Variants in CEACAM18 observed in about 807,000 individuals in gnomAD.
The protein encoded by CEACAM18 is CEA cell adhesion molecule 18.
A neutral mutation model predicts 34.3 loss-of-function variants in CEACAM18; 33 were observed. That is an observed-to-expected ratio of 0.96 (90% CI 0.73 to 1.29). The LOEUF is 1.29. CEACAM18 is among the 50% of genes most tolerant of loss of function. The pLI, the probability that CEACAM18 is intolerant of heterozygous loss-of-function variation, is 0.00. For synonymous variants in CEACAM18, 169 were observed against 180.9 expected (o/e 0.93, Z 0.53); for missense variants, 474 against 485.0 (o/e 0.98, Z 0.21).
chr19:51,481,697 A>C (rs768755956), intron 3 of CEACAM18, 32 bp downstream of exon 3: 1 of 1,592,266 alleles, frequency 6.3e-7, no homozygotes, highest in Non-Finnish European at 8.6e-7. Context: ...GACTGAAGCC[A>C]GGGCTGGTCT....
intron 5 of CEACAM18, among the ~76,000 whole-genome samples, chr19:51,487,947 T>G (rs1990032557): frequency 6.6e-6 from 1 of 152,182 alleles, no homozygotes; most frequent in African/African-American, 2.4e-5. Flanking sequence ...GATTGGACGG[T>G]GCCAATATAG....
chr19:51,489,672 G>A (rs760008923), intron 5 of CEACAM18, among the ~76,000 whole-genome samples: 10 of 152,070 alleles, frequency 6.6e-5, no homozygotes, highest in Non-Finnish European at 1.3e-4. Context: ...GCAGGCAATC[G>A]GCCTGACTGT....
chr19:51,491,142 C>A (rs921445008), downstream of CEACAM18, among the ~76,000 whole-genome samples: 1 of 152,184 alleles, frequency 6.6e-6, no homozygotes, highest in African/African-American at 2.4e-5. Context: ...CCCAGTGAGG[C>A]TCCCTCACCT....
rs1250845369 is a variant in CEACAM18, at chr19:51,480,741, GA to G, written c.400+62del. 4 of 1,450,322 alleles carry G rather than the reference GA, an allele frequency of 2.8e-6. No homozygotes were observed. In the East Asian group the frequency reaches 9.1e-5, roughly 33 times the overall value. 89.8% of individuals were successfully genotyped at this position (1,450,322 alleles called of 1,614,324 possible). A position where few individuals can be genotyped will look rare whatever the true frequency, so the allele number is the denominator to read the frequency against. ...GGAGAGCTAGATGTGACACATTTGA[GA>G]GAAGGACATTATACAGAGCATGACA... On this transcript the variant is annotated intron_variant, in intron 2 of 5. Coordinates refer to ENST00000396477, the Ensembl canonical transcript of CEACAM18.
chr19:51,480,789 C>A, intron 2 of CEACAM18, 109 bp downstream of exon 2: 1 of 1,029,052 alleles, frequency 9.7e-7, no homozygotes, highest in Admixed American at 2.7e-5. Flanking sequence ...AATCACGGAG[C>A]CGCCCTGGAA....
chr19:51,481,424 T>C, exon 3 of CEACAM18: 1 of 1,613,998 alleles, frequency 6.2e-7, no homozygotes, highest in Middle Eastern at 1.6e-4. Context: ...TCTCCGTCAA[T>C]GCCAGCTCCC....
At chr19:51,481,703 G>A in intron 3 of CEACAM18, 38 bp downstream of exon 3, 5 of 1,585,104 alleles carry the variant, frequency 3.2e-6, no homozygotes, top group South Asian at 1.2e-5. Flanking sequence ...AGCCAGGGCT[G>A]GTCTCAGGGC....
intron 2 of CEACAM18, 149 bp downstream of exon 2, chr19:51,480,829 A>C: frequency 1.4e-6 from 1 of 729,956 alleles, no homozygotes; most frequent in South Asian, 1.9e-5. Flanking sequence ...CTCCTGGGGG[A>C]TCTGAGGGCT....
At chr19:51,483,507 C>T (rs1989952844) in intron 4 of CEACAM18, 2 of 620,706 alleles carry the variant, frequency 3.2e-6, no homozygotes, top group South Asian at 1.9e-5. Flanking sequence ...AGGGTGACTC[C>T]CAGGGGGATA....
intron 5 of CEACAM18, 147 bp downstream of exon 5, chr19:51,485,269 T>G: frequency 1.2e-6 from 1 of 806,962 alleles, no homozygotes; most frequent in Non-Finnish European, 1.9e-6. Flanking sequence ...GGCAGACAGA[T>G]CAGCCCCCAG....
At chr19:51,480,305 C>T in intron 1 of CEACAM18, 28 bp from the exon 2 acceptor site, 1 of 1,522,576 alleles carries the variant, frequency 6.6e-7, no homozygotes, top group Non-Finnish European at 9.0e-7. Context: ...GTGAATTTCT[C>T]TCTGTCTTTT....
chr19:51,481,016 G>A (rs186974632), intron 2 of CEACAM18, among the ~76,000 whole-genome samples: 2 of 152,316 alleles, frequency 1.3e-5, no homozygotes, highest in Admixed American at 6.5e-5. Context: ...GGGAGTATTC[G>A]TAAAGTGAAT....
At chr19:51,485,163 G>T in intron 5 of CEACAM18, 41 bp downstream of exon 5, 1 of 1,466,992 alleles carries the variant, frequency 6.8e-7, no homozygotes, top group Non-Finnish European at 9.0e-7. Flanking sequence ...ATGTTGGCTG[G>T]GGGCTGGGAC....
In CEACAM18 at chr19:51,485,134, G is replaced by A; in HGVS notation, c.1089+12G>A. On this transcript the variant is annotated intron_variant, in intron 5 of 5. Coordinates refer to ENST00000396477, the Ensembl canonical transcript of CEACAM18. ...CACTACTCAATCAGGTGCCCTCATTGCTCTGGGACAAGGGTGGGATGTTGG... is the reference window on the plus strand; with the variant it reads ...CACTACTCAATCAGGTGCCCTCATTACTCTGGGACAAGGGTGGGATGTTGG... 6.7e-7 allele frequency: 1 copy of A among 1,494,608 alleles called. No individual in the cohort carries two copies. Among genetic ancestry groups the A allele is most frequent in the Non-Finnish European group, 8.9e-7 (1 of 1,124,084 alleles). 92.6% of individuals were successfully genotyped at this position (1,494,608 alleles called of 1,614,324 possible). A position where few individuals can be genotyped will look rare whatever the true frequency, so the allele number is the denominator to read the frequency against.
chr19:51,486,953 A>G (rs971220237), intron 5 of CEACAM18, among the ~76,000 whole-genome samples: 3 of 150,766 alleles, frequency 2.0e-5, no homozygotes, highest in Non-Finnish European at 4.4e-5. Context: ...TGATCTCCTG[A>G]CCTCGTGATC....
At chr19:51,483,214 A>T (rs956328186) in exon 4 of CEACAM18, 10 of 1,613,992 alleles carry the variant, frequency 6.2e-6, no homozygotes. Flanking sequence ...CTGGGAGCAG[A>T]TGGGCCGTTA....
intron 1 of CEACAM18, 30 bp from the exon 2 acceptor site, chr19:51,480,301 TTC>T (rs1989887598): frequency 4.0e-6 from 6 of 1,508,354 alleles, no homozygotes; most frequent in Admixed American, 2.0e-5. Flanking sequence ...CTTTGTGAAT[TTC>T]TCTCTGTCTT....
At chr19:51,488,518 T>C (rs2864096) in intron 5 of CEACAM18, among the ~76,000 whole-genome samples, 36,687 of 152,046 alleles carry the variant, frequency 0.24, 4,503 homozygotes, top group Middle Eastern at 0.38. Context: ...CATAAATAGG[T>C]TCAATATCTA....
chr19:51,480,598 A>G, exon 2 of CEACAM18: 6 of 1,614,030 alleles, frequency 3.7e-6, no homozygotes, highest in Non-Finnish European at 5.1e-6. Context: ...GGCCGACTGC[A>G]TTAAATGACA....
Sources: allele counts gnomAD v4.1 joint callset (sites outside exome capture counted in the v4.1 genomes callset), GRCh38; gene constraint gnomAD v4.1.1; transcripts MANE v1.5; gene names NCBI Gene and HGNC (gene_info 2026-07-23, HGNC 2026-07-21).